QTMAN: variants seen among roughly 807,000 people sequenced by gnomAD.
The protein encoded by QTMAN is tRNA-queuosine alpha-mannosyltransferase.
chr2:144,065,960 G>A, the QTMAN span, among the ~76,000 whole-genome samples: 10 of 152,244 alleles, frequency 6.6e-5, no homozygotes, highest in East Asian at 1.2e-3. Flanking sequence ...CATGAGAGCA[G>A]GGTGTTGAGA....
the QTMAN span, among the ~76,000 whole-genome samples, chr2:144,098,055 T>TA: frequency 6.6e-6 from 1 of 152,218 alleles, no homozygotes; most frequent in Non-Finnish European, 1.5e-5. Flanking sequence ...GAGGCTCTAG[T>TA]AGCACTAATG....
chr2:144,104,096 T>C, the QTMAN span, among the ~76,000 whole-genome samples: 1 of 151,728 alleles, frequency 6.6e-6, no homozygotes, highest in Non-Finnish European at 1.5e-5. Context: ...TCTCAAAAAA[T>C]AAATAAATAA....
At chr2:144,289,424 C>T in the QTMAN span, among the ~76,000 whole-genome samples, 3 of 152,354 alleles carry the variant, frequency 2.0e-5, no homozygotes, top group African/African-American at 7.2e-5. Context: ...TGAGCATAGG[C>T]TCAAAGTGCT....
At chr2:144,185,797 A>G in the QTMAN span, among the ~76,000 whole-genome samples, 1 of 152,220 alleles carries the variant, frequency 6.6e-6, no homozygotes, top group Non-Finnish European at 1.5e-5. Context: ...ATAGCTTGTA[A>G]AAGTCTGTAG....
At chr2:144,272,805 T>C in the QTMAN span, among the ~76,000 whole-genome samples, 1 of 152,174 alleles carries the variant, frequency 6.6e-6, no homozygotes, top group African/African-American at 2.4e-5. Context: ...AAAACTTGCA[T>C]TAAAATCACA....
At chr2:144,082,723 G>A in the QTMAN span, among the ~76,000 whole-genome samples, 1 of 152,166 alleles carries the variant, frequency 6.6e-6, no homozygotes, top group African/African-American at 2.4e-5. Context: ...ATGTCACATA[G>A]CAAGGAAGTG....
chr2:144,059,643 C>T, the QTMAN span, among the ~76,000 whole-genome samples: 1 of 152,168 alleles, frequency 6.6e-6, no homozygotes, highest in Admixed American at 6.5e-5. Flanking sequence ...CACCCCTATC[C>T]AACCCTCCAA....
At chr2:144,024,284 T>C in the QTMAN span, among the ~76,000 whole-genome samples, 2,366 of 152,340 alleles carry the variant, frequency 0.016, 60 homozygotes, top group African/African-American at 0.053. Context: ...GGTAAATAAA[T>C]GAGCAAAATC....
chr2:144,000,377 C>A, the QTMAN span, among the ~76,000 whole-genome samples: 1 of 151,674 alleles, frequency 6.6e-6, no homozygotes, highest in East Asian at 1.9e-4. Flanking sequence ...AAAAACCAAC[C>A]AAACAAACTA....
chr2:144,206,015 T>G, the QTMAN span, among the ~76,000 whole-genome samples: 1 of 152,350 alleles, frequency 6.6e-6, no homozygotes, highest in East Asian at 1.9e-4. Flanking sequence ...TCATGATATA[T>G]TCTTTTAGTT....
At chr2:144,230,548 A>G in the QTMAN span, among the ~76,000 whole-genome samples, 1 of 152,122 alleles carries the variant, frequency 6.6e-6, no homozygotes, top group Non-Finnish European at 1.5e-5. Flanking sequence ...TATGCTTCAG[A>G]AATTTAGAAG....
At chr2:144,121,709 A>T in the QTMAN span, among the ~76,000 whole-genome samples, 7 of 152,378 alleles carry the variant, frequency 4.6e-5, no homozygotes, top group East Asian at 1.3e-3. Flanking sequence ...TGAAATGTCT[A>T]TAAAATCCTG....
At chr2:144,230,718 T>C in the QTMAN span, among the ~76,000 whole-genome samples, 3 of 152,180 alleles carry the variant, frequency 2.0e-5, no homozygotes, top group Non-Finnish European at 4.4e-5. Context: ...CATTCATTAA[T>C]AAAATTGTAT....
At chr2:144,192,489 T>A in the QTMAN span, among the ~76,000 whole-genome samples, 1 of 152,190 alleles carries the variant, frequency 6.6e-6, no homozygotes, top group Non-Finnish European at 1.5e-5. Flanking sequence ...AGGTTAGGTA[T>A]CACCTGCTGC....
At chr2:143,988,724 T>C in the QTMAN span, among the ~76,000 whole-genome samples, 3 of 152,346 alleles carry the variant, frequency 2.0e-5, no homozygotes, top group Admixed American at 6.5e-5. Flanking sequence ...CTGGGCAGTC[T>C]AGCTGCACAG....
At chr2:144,328,737 G>A in the QTMAN span, among the ~76,000 whole-genome samples, 13 of 151,994 alleles carry the variant, frequency 8.6e-5, no homozygotes, top group South Asian at 4.2e-4. Flanking sequence ...CTACTCTACC[G>A]TACAACTGCT....
the QTMAN span, among the ~76,000 whole-genome samples, chr2:144,242,628 A>C: frequency 3.3e-5 from 5 of 152,192 alleles, no homozygotes; most frequent in Non-Finnish European, 7.3e-5. Context: ...GAAATTCCCG[A>C]AAGTCAATGA....
chr2:143,982,811 G>C, the QTMAN span, among the ~76,000 whole-genome samples: 1 of 142,892 alleles, frequency 7.0e-6, no homozygotes, highest in Admixed American at 7.3e-5. Flanking sequence ...CTGAGATCAT[G>C]CTATCGCACT....
At chr2:144,183,733 G>A in the QTMAN span, among the ~76,000 whole-genome samples, 1 of 152,062 alleles carries the variant, frequency 6.6e-6, no homozygotes, top group African/African-American at 2.4e-5. Flanking sequence ...GGCCAGATTT[G>A]TTAAGGAATT....
Sources: allele counts gnomAD v4.1 joint callset (sites outside exome capture counted in the v4.1 genomes callset), GRCh38; gene constraint gnomAD v4.1.1; transcripts MANE v1.5; gene names NCBI Gene and HGNC (gene_info 2026-07-23, HGNC 2026-07-21).